The following PITPNB variants were observed in gnomAD, a reference collection of about 807,000 sequenced individuals.
PITPNB encodes phosphatidylinositol transfer protein beta, also known as phosphatidylinositol transfer protein beta isoform.
Under a neutral mutation model 45.9 loss-of-function variants are expected in PITPNB, and 16 were observed. The observed-to-expected ratio is 0.35, with a 90% CI of 0.24 to 0.53. PITPNB has a LOEUF of 0.53. Among genes scored for constraint, PITPNB ranks in the 20% least tolerant of loss-of-function variants. PITPNB has a pLI of 0.93. For missense variants in PITPNB, 188 were observed against 330.5 expected, an observed-to-expected ratio of 0.57 and a Z score of 3.34; for synonymous variants, 112 against 108.9, an observed-to-expected ratio of 1.03 and a Z score of -0.18.
intron 6 of PITPNB, among the ~76,000 whole-genome samples, chr22:27,895,600 A>C (rs1402522204): frequency 1.4e-5 from 2 of 143,826 alleles, no homozygotes; most frequent in Non-Finnish European, 3.1e-5. Context: ...AAAAAAAAAA[A>C]CAAAAAGAAA....
intron 8 of PITPNB, among the ~76,000 whole-genome samples, chr22:27,863,049 G>A (rs928834645): frequency 6.6e-6 from 1 of 152,150 alleles, no homozygotes; most frequent in Non-Finnish European, 1.5e-5. Context: ...AATAAACAAT[G>A]AGCCAATGCT....
chr22:27,909,779 T>C (rs1935866042), intron 3 of PITPNB, among the ~76,000 whole-genome samples: 3 of 152,078 alleles, frequency 2.0e-5, no homozygotes, highest in African/African-American at 7.2e-5. Context: ...TACAACCATG[T>C]TCATAAAAGT....
At chr22:27,894,240 AATT>A (rs961250647) in intron 7 of PITPNB, 2 of 202,100 alleles carry the variant, frequency 9.9e-6, no homozygotes, top group African/African-American at 4.6e-5. Flanking sequence ...CTGGAGGGAG[AATT>A]ATTTTGTAAA....
In PITPNB at chr22:27,854,856, A is replaced by G; in HGVS notation, c.*36T>C. 1.9e-6 allele frequency: 3 copies of G among 1,601,646 alleles called. No homozygotes were observed. The highest frequency in any genetic ancestry group is 2.6e-6 in the Non-Finnish European group (3 of 1,169,482). ...TTTTTACCCAGGTCTTCACTTACAC[A>G]GTTTGACATTGTCTCTGACCCTACA... On this transcript the variant is annotated splice_region_variant and 3_prime_UTR_variant, in exon 11 of 12. Coordinates refer to ENST00000335272, the MANE Select transcript of PITPNB (RefSeq NM_012399.5).
Position 27,872,081 on chromosome 22 carries a change from G to GTTT in PITPNB, c.534+1654_534+1656dup, listed in dbSNP as rs58288724. Among the ~76,000 whole-genome samples, 466 of 64,458 alleles carry GTTT rather than the reference G, an allele frequency of 7.2e-3. 34 individuals carry two copies. The highest frequency in any genetic ancestry group is 9.0e-3 in the Non-Finnish European group (324 of 35,836). The allele number at this position is 64,458 out of a possible 152,430, so 42.3% of individuals were successfully genotyped here. A position where few individuals can be genotyped will look rare whatever the true frequency, so the allele number is the denominator to read the frequency against. ...CAGAACCGTGAGCCAATTAAGCCTGGTTTTTTTTTTTTTTTTTTTTTTTTT... is the reference window on the plus strand; with the variant it reads ...CAGAACCGTGAGCCAATTAAGCCTGGTTTTTTTTTTTTTTTTTTTTTTTTTTTT... On this transcript the variant is annotated intron_variant, in intron 8 of 11. Transcript: ENST00000335272.
intron 3 of PITPNB, among the ~76,000 whole-genome samples, chr22:27,905,460 A>G (rs567554046): frequency 4.6e-5 from 7 of 152,264 alleles, no homozygotes; most frequent in South Asian, 4.1e-4. Flanking sequence ...TTAATTTCTT[A>G]CATGTGCAAG....
Position 27,866,876 on chromosome 22 carries a change from T to C in PITPNB, c.535-6635A>G, listed in dbSNP as rs192937074. 1.7e-4 allele frequency among the ~76,000 whole-genome samples: 26 copies of C among 152,346 alleles called. No homozygotes were observed. In the East Asian group the frequency reaches 5.0e-3, roughly 29 times the overall value. ...AAAATAAATGCACTGCTGGGAGTGC[T>C]GCCAGTGTGTGTGCATCAGTAAATA... On this transcript the variant is annotated intron_variant, in intron 8 of 11. Coordinates refer to ENST00000335272, the MANE Select transcript of PITPNB (RefSeq NM_012399.5).
At chr22:27,901,385 G>A (rs2146410397) in intron 3 of PITPNB, among the ~76,000 whole-genome samples, 1 of 152,192 alleles carries the variant, frequency 6.6e-6, no homozygotes, top group South Asian at 2.1e-4. Context: ...ACACAAGCAA[G>A]ACAACTTTTC....
chr22:27,900,679 T>C (rs1424732494), intron 3 of PITPNB, among the ~76,000 whole-genome samples: 1 of 152,238 alleles, frequency 6.6e-6, no homozygotes, highest in Non-Finnish European at 1.5e-5. Context: ...TAAATTTCAA[T>C]TCTACTTCAA....
In PITPNB at chr22:27,894,867, G is replaced by C. The variant is rs545411527; in HGVS notation, c.373-229C>G. Among the ~76,000 whole-genome samples the C allele has an allele frequency of 1.8e-4, 28 of 152,294 alleles. No homozygotes were observed. The South Asian group carries it at 5.6e-3, about 30-fold the overall frequency. On this transcript the variant is annotated intron_variant, in intron 6 of 11. Transcript: ENST00000335272. ...GGAGAGAATGAGGATGCTGCCAAAT[G>C]AATAGAAACCTGTCAATATTATCTT...
At chr22:27,898,975 T>C (rs2179423) in intron 3 of PITPNB, among the ~76,000 whole-genome samples, 8 of 152,230 alleles carry the variant, frequency 5.3e-5, no homozygotes, top group Non-Finnish European at 1.0e-4. Context: ...GAGCCTACTG[T>C]AAAGAGTAGT....
At chr22:27,855,990 T>C (rs1410978302) in intron 10 of PITPNB, among the ~76,000 whole-genome samples, 2 of 152,136 alleles carry the variant, frequency 1.3e-5, no homozygotes, top group Non-Finnish European at 1.5e-5. Flanking sequence ...GCTGCCCAGA[T>C]TCTGAGGATG....
At chr22:27,856,401 T>C (rs1934173547) in intron 10 of PITPNB, among the ~76,000 whole-genome samples, 2 of 152,110 alleles carry the variant, frequency 1.3e-5, no homozygotes, top group Admixed American at 6.5e-5. Context: ...AGAGCAAGAG[T>C]CACCAGCTCC....
chr22:27,883,748 C>T (rs560475380), intron 7 of PITPNB, among the ~76,000 whole-genome samples: 1 of 152,348 alleles, frequency 6.6e-6, no homozygotes, highest in South Asian at 2.1e-4. Flanking sequence ...CTCTTAACTT[C>T]CAGGCAATCT....
intron 8 of PITPNB, among the ~76,000 whole-genome samples, chr22:27,868,342 C>T (rs1934544952): frequency 6.6e-6 from 1 of 152,214 alleles, no homozygotes; most frequent in Non-Finnish European, 1.5e-5. Context: ...TCCCTCATCA[C>T]TCACTTCTAC....
intron 6 of PITPNB, among the ~76,000 whole-genome samples, chr22:27,896,105 G>C (rs1167194104): frequency 1.3e-5 from 2 of 152,184 alleles, no homozygotes; most frequent in African/African-American, 4.8e-5. Context: ...AGTTATTCAA[G>C]TACTTTATCC....
intron 10 of PITPNB, 90 bp from the exon 11 acceptor site, chr22:27,855,029 A>G: frequency 1.1e-6 from 1 of 876,380 alleles, no homozygotes; most frequent in Non-Finnish European, 1.9e-6. Flanking sequence ...AGAAGAGATT[A>G]TGAAGTGATG....
At chr22:27,913,372 A>T (rs1204144519) in intron 2 of PITPNB, among the ~76,000 whole-genome samples, 1 of 152,202 alleles carries the variant, frequency 6.6e-6, no homozygotes, top group Non-Finnish European at 1.5e-5. Context: ...CACTGCTTCT[A>T]ATCTACTGTC....
rs953990683 is a variant in PITPNB at position 27,853,502 on chromosome 22, T to G, written c.*200A>C. 7.5e-6 allele frequency: 6 copies of G among 804,004 alleles called. No individual in the cohort carries two copies. Among genetic ancestry groups the G allele is most frequent in the South Asian group, 7.4e-5 (5 of 68,014 alleles). 49.8% of individuals were successfully genotyped at this position (804,004 alleles called of 1,614,324 possible). On this transcript the variant is annotated 3_prime_UTR_variant, in exon 12 of 12. Coordinates refer to ENST00000335272, the MANE Select transcript of PITPNB (RefSeq NM_012399.5). Reference sequence around the variant, plus strand: ...CGCTTTATATACAGCTACAGACATATGCACACATACATATATACACACGTG... The same window carrying G: ...CGCTTTATATACAGCTACAGACATAGGCACACATACATATATACACACGTG...
Sources: gnomAD v4.1 joint callset for allele counts (sites outside exome capture counted in the v4.1 genomes callset) on GRCh38, gnomAD v4.1.1 for gene constraint, MANE v1.5 for transcripts, NCBI Gene and HGNC (gene_info 2026-07-23, HGNC 2026-07-21) for gene names.